LINGO2: variants seen among roughly 807,000 people sequenced by gnomAD.
The protein encoded by LINGO2 is leucine rich repeat and Ig domain containing 2, also known as leucine-rich repeat and immunoglobulin-like domain-containing nogo receptor-interacting protein 2.
Under a neutral mutation model 30.6 loss-of-function variants are expected in LINGO2, and 14 were observed. The observed-to-expected ratio is 0.46, with a 90% CI of 0.30 to 0.72. The LOEUF is 0.72. Among genes scored for constraint, LINGO2 ranks in the 30% least tolerant of loss-of-function variants. LINGO2 has a pLI of 0.07. For missense variants in LINGO2, 729 were observed against 751.7 expected, an observed-to-expected ratio of 0.97 and a Z score of 0.35; for synonymous variants, 317 against 288.5, an observed-to-expected ratio of 1.10 and a Z score of -1.00.
chr9:29,201,803 T>C, the LINGO2 span, among the ~76,000 whole-genome samples: 1 of 152,158 alleles, frequency 6.6e-6, no homozygotes, highest in Admixed American at 6.6e-5. Context: ...TATCCTATCA[T>C]CGTAAACTTC....
chr9:28,234,347 T>C (rs1376404148), intron 4 of LINGO2, among the ~76,000 whole-genome samples: 3 of 152,142 alleles, frequency 2.0e-5, no homozygotes, highest in African/African-American at 7.2e-5. Context: ...GAAGCTTCTT[T>C]GACTATGTAA....
downstream of LINGO2, among the ~76,000 whole-genome samples, chr9:27,945,672 G>A (rs1204356035): frequency 1.3e-5 from 2 of 152,108 alleles, no homozygotes; most frequent in Non-Finnish European, 2.9e-5. Context: ...GCTCTACCAT[G>A]GTCTAGTTGA....
chr9:29,026,788 C>A, the LINGO2 span, among the ~76,000 whole-genome samples: 1 of 152,114 alleles, frequency 6.6e-6, no homozygotes, highest in East Asian at 1.9e-4. Context: ...TTTCATTGTT[C>A]TGATCAACAT....
intron 1 of LINGO2, among the ~76,000 whole-genome samples, chr9:28,513,777 T>C (rs1820510222): frequency 1.3e-5 from 2 of 152,238 alleles, no homozygotes; most frequent in African/African-American, 4.8e-5. Flanking sequence ...TGAAGAAGCT[T>C]AGAGGTTGAT....
the LINGO2 span, among the ~76,000 whole-genome samples, chr9:28,948,399 T>C: frequency 6.6e-6 from 1 of 152,114 alleles, no homozygotes; most frequent in Non-Finnish European, 1.5e-5. Context: ...ACCTATATAT[T>C]CTAGTCTTGA....
intron 2 of LINGO2, among the ~76,000 whole-genome samples, chr9:28,388,886 C>T: frequency 6.7e-6 from 1 of 149,478 alleles, no homozygotes. Context: ...GGTTTTCTCT[C>T]TTTCTCTCTT....
chr9:27,949,638 C>T (rs763633223), exon 6 of LINGO2: 1 of 1,614,050 alleles, frequency 6.2e-7, no homozygotes, highest in Admixed American at 1.7e-5. Flanking sequence ...CTCCAGAGCC[C>T]TAGGGGAGGA....
chr9:29,061,727 A>T, the LINGO2 span, among the ~76,000 whole-genome samples: 1 of 152,068 alleles, frequency 6.6e-6, no homozygotes, highest in Non-Finnish European at 1.5e-5. Context: ...AATTTGTTAG[A>T]AGAAAACATA....
intron 2 of LINGO2, among the ~76,000 whole-genome samples, chr9:28,436,352 G>T (rs926405021): frequency 2.6e-5 from 4 of 152,076 alleles, no homozygotes; most frequent in Non-Finnish European, 5.9e-5. Flanking sequence ...TTAATACCTG[G>T]AGACGGTGAT....
At chr9:28,002,557 C>G (rs1372387879) in intron 5 of LINGO2, among the ~76,000 whole-genome samples, 1 of 152,062 alleles carries the variant, frequency 6.6e-6, no homozygotes, top group African/African-American at 2.4e-5. Context: ...CATGCTGTGC[C>G]ACATAATTTT....
At position 28,053,281 on chromosome 9, in the gene LINGO2, C is replaced by G. The variant is rs532400925; in HGVS notation, c.-86-40876G>C. ...AGAGGGGCTCAGGCAGCAGCAGCAA[C>G]ACAGGCTAACTGGGAAACTGCCAGC... On this transcript the variant is annotated intron_variant, in intron 4 of 5. Coordinates refer to ENST00000379992, the Ensembl canonical transcript of LINGO2. 6.6e-5 allele frequency among the ~76,000 whole-genome samples: 10 copies of G among 152,144 alleles called. No individual in the cohort carries two copies. The East Asian group carries it at 1.9e-3, about 30-fold the overall frequency.
At chr9:28,700,788 T>C in the LINGO2 span, among the ~76,000 whole-genome samples, 1 of 152,142 alleles carries the variant, frequency 6.6e-6, no homozygotes, top group Non-Finnish European at 1.5e-5. Context: ...AGAGGTCCTG[T>C]CACTCCACAT....
chr9:28,553,801 C>T (rs538452436), intron 1 of LINGO2, among the ~76,000 whole-genome samples: 25 of 152,120 alleles, frequency 1.6e-4, no homozygotes, highest in South Asian at 1.5e-3. Context: ...GCGGATCTCT[C>T]GGCAGAAACC....
At chr9:28,912,925 T>C in the LINGO2 span, among the ~76,000 whole-genome samples, 112,711 of 152,004 alleles carry the variant, frequency 0.74, 41,930 homozygotes, top group Non-Finnish European at 0.78. Context: ...GCAGAAGTTA[T>C]GTGTGTGACT....
chr9:28,431,259 C>G (rs1379192395), intron 2 of LINGO2, among the ~76,000 whole-genome samples: 2 of 152,134 alleles, frequency 1.3e-5, no homozygotes, highest in Non-Finnish European at 2.9e-5. Flanking sequence ...AAGAGACTGT[C>G]TACCACATCC....
chr9:28,874,304 T>C, the LINGO2 span, among the ~76,000 whole-genome samples: 351 of 152,136 alleles, frequency 2.3e-3, 1 homozygote, highest in African/African-American at 7.9e-3. Flanking sequence ...GTAAGTGATA[T>C]ATCTCACTGT....
At chr9:28,303,906 C>G (rs1382333933) in intron 3 of LINGO2, among the ~76,000 whole-genome samples, 1 of 151,976 alleles carries the variant, frequency 6.6e-6, no homozygotes, top group Non-Finnish European at 1.5e-5. Context: ...TGACAAAAAT[C>G]CACATGTAAG....
intron 4 of LINGO2, among the ~76,000 whole-genome samples, chr9:28,264,861 G>C (rs1224656585): frequency 6.6e-6 from 1 of 151,920 alleles, no homozygotes; most frequent in Non-Finnish European, 1.5e-5. Context: ...TACTGTCCTT[G>C]ACTTTAAGAA....
chr9:28,376,678 T>C (rs1375423062), intron 2 of LINGO2, among the ~76,000 whole-genome samples: 1 of 152,200 alleles, frequency 6.6e-6, no homozygotes, highest in Non-Finnish European at 1.5e-5. Flanking sequence ...GGGACACCTA[T>C]AAATACATTG....
Sources: allele counts gnomAD v4.1 joint callset (sites outside exome capture counted in the v4.1 genomes callset), GRCh38; gene constraint gnomAD v4.1.1; transcripts MANE v1.5; gene names NCBI Gene and HGNC (gene_info 2026-07-23, HGNC 2026-07-21).